MUC12: variants seen among roughly 807,000 people sequenced by gnomAD.
MUC12 encodes the protein mucin 12, cell surface associated, also known as mucin-12.
MUC12 carries 172 observed loss-of-function variants against 230.8 expected under a neutral mutation model. That is an observed-to-expected ratio of 0.75 (90% CI 0.66 to 0.85). The LOEUF is 0.85. Ranked by LOEUF, MUC12 falls within the 40% of genes least tolerant of loss-of-function variation. The pLI is 0.00. For missense variants in MUC12, 3,506 were observed against 5,920.6 expected (o/e 0.59, Z 13.38); for synonymous variants, 1,259 against 2,401.9 (o/e 0.52, Z 13.91).
chr7:101,014,098 C>A (rs772016793), intron 9 of MUC12, 24 bp downstream of exon 9: 1 of 1,509,458 alleles, frequency 6.6e-7, no homozygotes, highest in South Asian at 1.3e-5. Context: ...GCCAGCACCG[C>A]AGGCCCACAC....
chr7:101,005,117 A>G lies in MUC12; in HGVS notation c.14554A>G (p.Thr4852Ala). 6.5e-7 allele frequency: 1 copy of G among 1,537,788 alleles called. No homozygotes were observed. The highest frequency in any genetic ancestry group is 8.7e-7 in the Non-Finnish European group (1 of 1,147,020). ...GCCAGGCCTTAGTGAGGAATCTACC[A>G]CCTTCTACAGCAGCCCAGGCTCAAC... Reference protein sequence around the residue: ...TVPGLSEESTTFYSSPGSTET... With the variant: ...TVPGLSEESTAFYSSPGSTET... Residue 4852 changes from threonine (T) to alanine (A), a missense_variant, in exon 2 of 12, where the codon ACC becomes GCC. Physicochemically the swap from Thr to Ala is moderately conservative, Grantham distance 58. Transcript: ENST00000536621.
intron 9 of MUC12, among the ~76,000 whole-genome samples, chr7:101,014,957 C>T (rs12672561): frequency 6.6e-6 from 1 of 152,088 alleles, no homozygotes; most frequent in African/African-American, 2.4e-5. Context: ...TGTCTGAACT[C>T]GCTTTTATTA....
At chr7:100,984,671 C>G (rs531947479) in intron 1 of MUC12, among the ~76,000 whole-genome samples, 1 of 152,242 alleles carries the variant, frequency 6.6e-6, no homozygotes, top group South Asian at 2.1e-4. Flanking sequence ...GTTACTTTGG[C>G]CTTTGTGTGC....
At chr7:101,012,936 T>C (rs1793859543) in intron 7 of MUC12, 44 bp from the exon 8 acceptor site, 2 of 1,537,234 alleles carry the variant, frequency 1.3e-6, no homozygotes, top group African/African-American at 1.4e-5. Context: ...GGGGCTGGGA[T>C]GCTTTGGCCA....
intron 1 of MUC12, among the ~76,000 whole-genome samples, chr7:100,984,648 G>C (rs1010990298): frequency 1.3e-5 from 2 of 152,082 alleles, no homozygotes; most frequent in Non-Finnish European, 2.9e-5. Context: ...TTGATTGATA[G>C]GTGTGTCATT....
chr7:101,016,707 G>A (rs988341852), intron 10 of MUC12, among the ~76,000 whole-genome samples: 1 of 139,786 alleles, frequency 7.2e-6, no homozygotes, highest in Non-Finnish European at 1.6e-5. Flanking sequence ...GGTGGGGGGA[G>A]GGAGAGGAGA....
intron 1 of MUC12, among the ~76,000 whole-genome samples, chr7:100,978,372 C>A (rs962553892): frequency 7.2e-5 from 11 of 152,146 alleles, no homozygotes; most frequent in African/African-American, 2.4e-4. Context: ...AGAATGTGCA[C>A]CTAGAACTGG....
chr7:100,983,737 C>A lies in MUC12; in HGVS notation c.68-6894C>A, dbSNP rs554242448. On this transcript the variant is annotated intron_variant, in intron 1 of 11. Coordinates refer to ENST00000536621, the MANE Select transcript of MUC12 (RefSeq NM_001164462.2). Reference sequence around the variant, plus strand: ...ACCCAATAAATGCCAGCTCTCCCCACCCCTGTTCATACCTCATGAGTCGTT... The same window carrying A: ...ACCCAATAAATGCCAGCTCTCCCCAACCCTGTTCATACCTCATGAGTCGTT... Among the ~76,000 whole-genome samples the A allele has an allele frequency of 2.2e-4, 34 of 152,270 alleles. 1 individual carries two copies. The highest frequency in any genetic ancestry group is 9.2e-4 in the Admixed American group (14 of 15,290).
Position 100,995,462 on chromosome 7 carries a change from T to G in MUC12, c.4899T>G (p.Thr1633=). ...TTASSLGPES[T]TFHSSPGSTE... The stretch of plus-strand genomic sequence containing the variant: ...CATCATCCCTTGGTCCAGAATCTAC[T>G]ACTTTCCACAGCAGCCCAGGCTCCA... Residue 1633 remains threonine (T), a synonymous_variant, in exon 2 of 12, where the codon ACT becomes ACG. Transcript: ENST00000536621. 1.3e-6 allele frequency: 2 copies of G among 1,526,584 alleles called. No homozygotes were observed. Among genetic ancestry groups the G allele is most frequent in the Non-Finnish European group, 8.8e-7 (1 of 1,140,992 alleles). 94.6% of individuals were successfully genotyped at this position (1,526,584 alleles called of 1,614,324 possible). A position where few individuals can be genotyped will look rare whatever the true frequency, so the allele number is the denominator to read the frequency against.
chr7:100,991,810 T>G lies in MUC12; in HGVS notation c.1247T>G (p.Leu416Arg). The stretch of plus-strand genomic sequence containing the variant: ...GCACATACAAGCTACCACAGCAGCC[T>G]GGGCTCAACTGAAACAACACACTTC... ...ALAHTSYHSS[L>R]GSTETTHFRD... Residue 416 changes from leucine to arginine, a missense_variant, in exon 2 of 12, where the codon CTG (leucine) becomes CGG (arginine). Leu to Arg is a moderately radical substitution (Grantham distance 102). Coordinates refer to ENST00000536621, the MANE Select transcript of MUC12 (RefSeq NM_001164462.2). 1 of 1,537,878 alleles carries G rather than the reference T, an allele frequency of 6.5e-7. No individual in the cohort carries two copies. Among genetic ancestry groups the G allele is most frequent in the Non-Finnish European group, 8.7e-7 (1 of 1,147,048 alleles).
In MUC12 at chr7:100,995,442, T is replaced by C; in HGVS notation, c.4879T>C (p.Ser1627Pro). The change falls in exon 2 of 12, where the codon TCC becomes CCC. Residue 1627 changes from serine to proline, a missense_variant. Coordinates refer to ENST00000536621, the MANE Select transcript of MUC12 (RefSeq NM_001164462.2). ...TLSPGSTTASSLGPESTTFHS... is the reference protein window; with the variant it reads ...TLSPGSTTASPLGPESTTFHS... ...GTCCCCTGGCAGTACCACAGCATCA[T>C]CCCTTGGTCCAGAATCTACTACTTT... The C allele has an allele frequency of 6.5e-7, 1 of 1,532,552 alleles. No individual in the cohort carries two copies. The highest frequency in any genetic ancestry group is 8.7e-7 in the Non-Finnish European group (1 of 1,144,894). The allele number at this position is 1,532,552 out of a possible 1,614,324, so 94.9% of individuals were successfully genotyped here.
At chr7:100,988,736 A>T (rs1444685340) in intron 1 of MUC12, among the ~76,000 whole-genome samples, 5 of 152,086 alleles carry the variant, frequency 3.3e-5, no homozygotes, top group Non-Finnish European at 5.9e-5. Context: ...GACTTGTCAG[A>T]CCAGATATGG....
intron 5 of MUC12, among the ~76,000 whole-genome samples, chr7:101,011,608 G>C (rs1208668186): frequency 6.6e-6 from 1 of 152,052 alleles, no homozygotes; most frequent in Admixed American, 6.6e-5. Flanking sequence ...TTTTTGTAGA[G>C]ATGGGGTCTC....
rs1415360968 is a variant in MUC12 at position 100,998,134 on chromosome 7, ACAG to A, written c.7577_7579del (p.Ser2526del). On this transcript the variant is annotated inframe_deletion, in exon 2 of 12. Transcript: ENST00000536621. ...ATCGTTGAAGCATCTACACGCGTCCACAGCAGCACTGGCTCACCACGCACAACA... is the reference window on the plus strand; with the variant it reads ...ATCGTTGAAGCATCTACACGCGTCCACAGCACTGGCTCACCACGCACAACA... The A allele has an allele frequency of 7.5e-7, 1 of 1,324,636 alleles. No individual in the cohort carries two copies. Among genetic ancestry groups the A allele is most frequent in the African/African-American group, 1.5e-5 (1 of 65,776 alleles). 82.1% of individuals were successfully genotyped at this position (1,324,636 alleles called of 1,614,324 possible).
intron 10 of MUC12, chr7:101,016,848 T>C (rs890862704): frequency 1.3e-5 from 2 of 152,280 alleles, no homozygotes; most frequent in Non-Finnish European, 2.9e-5. Flanking sequence ...GCACACTGAG[T>C]TGGGGGGCTG....
rs932954813 is a variant in MUC12, at chr7:101,008,691, A to G, written c.15116A>G (p.Asn5039Ser). The change falls in exon 4 of 12, where the codon AAT (asparagine) becomes AGT (serine). Residue 5039 changes from asparagine to serine, a missense_variant. Transcript: ENST00000536621. The stretch of plus-strand genomic sequence containing the variant: ...ATGACAGTGAAAGTGACTTACAGAA[A>G]TTTCACAGAAAAGATGAATGACGCA... ...LGMTVKVTYRNFTEKMNDASS... is the reference protein window; with the variant it reads ...LGMTVKVTYRSFTEKMNDASS... The G allele has an allele frequency of 1.3e-6, 2 of 1,537,210 alleles. No individual in the cohort carries two copies. The highest frequency in any genetic ancestry group is 2.7e-5 in the African/African-American group (2 of 73,044).
chr7:100,969,651 C>A lies in MUC12; in HGVS notation c.29C>A (p.Ala10Asp). 2.0e-6 allele frequency: 3 copies of A among 1,537,410 alleles called. No homozygotes were observed. Among genetic ancestry groups the A allele is most frequent in the East Asian group, 4.9e-5 (2 of 40,930 alleles). ...CTGGTGATCTGGATTCTGACGCTGG[C>A]TCTCCGGCTCTGCGCGTCCGTTACT... MLVIWILTL[A>D]LRLCASVTTV... The change falls in exon 1 of 12, where the codon GCT becomes GAT. Residue 10 changes from alanine (A) to aspartate (D), a missense_variant. Physicochemically the swap from Ala to Asp is moderately radical, Grantham distance 126. Coordinates refer to ENST00000536621, the MANE Select transcript of MUC12 (RefSeq NM_001164462.2).
At chr7:101,012,733 G>A (rs139244691) in intron 6 of MUC12, 86 bp from the exon 7 acceptor site, 463 of 1,413,934 alleles carry the variant, frequency 3.3e-4, no homozygotes, top group Middle Eastern at 8.7e-4. Flanking sequence ...GGGAGGGCAT[G>A]GTATAGAAGA....
rs1240908289 is a variant in MUC12 at position 100,990,745 on chromosome 7, G to A, written c.182G>A (p.Gly61Asp). 6.5e-7 allele frequency: 1 copy of A among 1,537,802 alleles called. No individual in the cohort carries two copies. ...DYGVSVTFIT[G>D]STATKHFLDS... The stretch of plus-strand genomic sequence containing the variant: ...GGGGTGTCAGTCACATTTATCACGG[G>A]CTCAACTGCAACAAAACACTTCCTT... The change falls in exon 2 of 12, where the codon GGC (glycine) becomes GAC (aspartate). Residue 61 changes from glycine to aspartate, a missense_variant. Gly to Asp is a moderately conservative substitution (Grantham distance 94). Transcript: ENST00000536621.
Sources: gnomAD v4.1 joint callset for allele counts (sites outside exome capture counted in the v4.1 genomes callset) on GRCh38, gnomAD v4.1.1 for gene constraint, MANE v1.5 for transcripts, NCBI Gene and HGNC (gene_info 2026-07-23, HGNC 2026-07-21) for gene names.